Variants in NR3C1 observed in about 807,000 individuals in gnomAD.
NR3C1 encodes the protein glucocorticoid receptor.
NR3C1 carries 14 observed loss-of-function variants against 74.0 expected under a neutral mutation model. The ratio of observed to expected loss-of-function variants is 0.19; its 90% CI spans 0.12 to 0.30. NR3C1 has a LOEUF of 0.30. Among genes scored for constraint, NR3C1 ranks in the 10% least tolerant of loss-of-function variants. The pLI is 1.00. For synonymous variants in NR3C1, 308 were observed against 332.5 expected, an observed-to-expected ratio of 0.93 and a Z score of 0.80; for missense variants, 695 against 909.8, an observed-to-expected ratio of 0.76 and a Z score of 3.04.
At chr5:143,308,090 A>G (rs2151592168) in intron 4 of NR3C1, among the ~76,000 whole-genome samples, 1 of 152,290 alleles carries the variant, frequency 6.6e-6, no homozygotes, top group East Asian at 1.9e-4. Flanking sequence ...TCATACCCAT[A>G]AATCTATTTT....
In NR3C1 at chr5:143,400,029, C is replaced by T. The variant is rs755784862; in HGVS notation, c.811G>A (p.Val271Ile). 1.5e-5 allele frequency: 25 copies of T among 1,614,106 alleles called. No individual in the cohort carries two copies. The Admixed American group carries it at 3.8e-4, about 25-fold the overall frequency. Residue 271 changes from valine (V) to isoleucine (I), a missense_variant, in exon 2 of 9, where the codon GTA becomes ATA. By Grantham distance (29) the Val-to-Ile change is conservative. This residue lies in a region of NR3C1 where 497 missense variants were observed against 489.5 expected (regional missense o/e 1.02). Transcript: ENST00000394464. The part of the protein sequence containing the change: ...GDLVLSSPSN[V>I]TLPQVKTEKE... ...TCTGTTTTCACTTGGGGCAGTGTTACATTACTGGGGCTTGACAAAACCAGA... is the reference window on the plus strand; with the variant it reads ...TCTGTTTTCACTTGGGGCAGTGTTATATTACTGGGGCTTGACAAAACCAGA...
upstream of NR3C1, among the ~76,000 whole-genome samples, chr5:143,406,188 T>A: frequency 6.6e-6 from 1 of 151,648 alleles, no homozygotes; most frequent in East Asian, 1.9e-4. Flanking sequence ...AGAACACATC[T>A]CCCCATGCCA....
At chr5:143,388,471 C>T (rs1279615005) in intron 2 of NR3C1, among the ~76,000 whole-genome samples, 2 of 152,168 alleles carry the variant, frequency 1.3e-5, no homozygotes, top group Non-Finnish European at 2.9e-5. Flanking sequence ...ATGTGCTAGA[C>T]ACTATTCTAG....
rs566480046 is a variant in NR3C1 at position 143,329,823 on chromosome 5, T to A, written c.1185-15655A>T. Among the ~76,000 whole-genome samples, 363 of 152,296 alleles carry A rather than the reference T, an allele frequency of 2.4e-3. 3 individuals carry two copies. The highest frequency in any genetic ancestry group is 7.6e-3 in the African/African-American group (315 of 41,566). The stretch of plus-strand genomic sequence containing the variant: ...ATAAAAGGGCTGACTACATTTTTTT[T>A]AAATATGTGAATTGTTCTAAAATTC... On this transcript the variant is annotated intron_variant, in intron 2 of 8. Coordinates refer to ENST00000394464, the MANE Select transcript of NR3C1 (RefSeq NM_000176.3).
intron 7 of NR3C1, among the ~76,000 whole-genome samples, chr5:143,286,067 G>A (rs1223727975): frequency 6.6e-6 from 1 of 151,354 alleles, no homozygotes; most frequent in Non-Finnish European, 1.5e-5. Flanking sequence ...AGGATATTAT[G>A]GGAATATTAT....
At chr5:143,309,056 T>C (rs1820268734) in intron 4 of NR3C1, among the ~76,000 whole-genome samples, 1 of 150,090 alleles carries the variant, frequency 6.7e-6, no homozygotes, top group South Asian at 2.1e-4. Flanking sequence ...CTCTAACTTA[T>C]AACTAGTTTC....
At chr5:143,310,938 G>T (rs1051761731) in intron 3 of NR3C1, among the ~76,000 whole-genome samples, 1 of 152,194 alleles carries the variant, frequency 6.6e-6, no homozygotes, top group African/African-American at 2.4e-5. Context: ...TTACAGGCAT[G>T]AGCCACCACG....
At chr5:143,339,409 G>A (rs1031435115) in intron 2 of NR3C1, among the ~76,000 whole-genome samples, 1 of 152,012 alleles carries the variant, frequency 6.6e-6, no homozygotes, top group African/African-American at 2.4e-5. Context: ...TTACATTGCT[G>A]TCTTTTTGCT....
chr5:143,306,931 C>T (rs1186529763), intron 4 of NR3C1, among the ~76,000 whole-genome samples: 1 of 114,066 alleles, frequency 8.8e-6, no homozygotes, highest in African/African-American at 3.5e-5. Flanking sequence ...GAGTCTCGCT[C>T]TGTCGCCCAG....
chr5:143,367,204 C>A (rs1284645927), intron 2 of NR3C1, among the ~76,000 whole-genome samples: 3 of 152,202 alleles, frequency 2.0e-5, no homozygotes, highest in African/African-American at 7.2e-5. Flanking sequence ...AAATCTAATG[C>A]CCTTTCCTGA....
intron 2 of NR3C1, among the ~76,000 whole-genome samples, chr5:143,317,827 G>A (rs1404297188): frequency 1.3e-5 from 2 of 152,116 alleles, no homozygotes; most frequent in African/African-American, 2.4e-5. Context: ...CAAGCACTGT[G>A]AGGATCCAGT....
chr5:143,362,880 A>C (rs1832539001), intron 2 of NR3C1, among the ~76,000 whole-genome samples: 1 of 152,184 alleles, frequency 6.6e-6, no homozygotes, highest in East Asian at 1.9e-4. Context: ...AAAGATTGAG[A>C]GGAAAAGCTG....
At chr5:143,293,293 T>C (rs1449600264) in intron 7 of NR3C1, among the ~76,000 whole-genome samples, 1 of 152,176 alleles carries the variant, frequency 6.6e-6, no homozygotes, top group African/African-American at 2.4e-5. Flanking sequence ...AAACCAAATA[T>C]TGCATGTTCT....
At position 143,377,334 on chromosome 5, in the gene NR3C1, A is replaced by G. The variant is rs560700034; in HGVS notation, c.1184+22322T>C. 7.9e-5 allele frequency among the ~76,000 whole-genome samples: 12 copies of G among 152,324 alleles called. No homozygotes were observed. In the South Asian group the frequency reaches 2.5e-3, roughly 32 times the overall value. On this transcript the variant is annotated intron_variant, in intron 2 of 8. Coordinates refer to ENST00000394464, the MANE Select transcript of NR3C1 (RefSeq NM_000176.3). ...TGGCTTTTGCAACTTGCCTCAGGCTAGCCTTAGGGCATTACCTATGGAGCT... is the reference window on the plus strand; with the variant it reads ...TGGCTTTTGCAACTTGCCTCAGGCTGGCCTTAGGGCATTACCTATGGAGCT...
chr5:143,364,255 G>A (rs1454293420), intron 2 of NR3C1, among the ~76,000 whole-genome samples: 1 of 152,222 alleles, frequency 6.6e-6, no homozygotes, highest in African/African-American at 2.4e-5. Flanking sequence ...AATGCTGAAA[G>A]AATTACATGT....
upstream of NR3C1, chr5:143,403,703 A>G (rs10482606): frequency 5.0e-3 from 4,916 of 983,372 alleles, 11 homozygotes; most frequent in Non-Finnish European, 5.6e-3. Flanking sequence ...GCGCGCACAC[A>G]CTCGCACACA....
intron 1 of NR3C1, among the ~76,000 whole-genome samples, chr5:143,423,897 CAGAG>C (rs1222844122): frequency 3.4e-5 from 5 of 147,210 alleles, no homozygotes; most frequent in Non-Finnish European, 7.4e-5. Flanking sequence ...TGTGGGAACT[CAGAG>C]AGAGAAAGAA....
chr5:143,307,389 T>C (rs1819866155), intron 4 of NR3C1, among the ~76,000 whole-genome samples: 1 of 152,158 alleles, frequency 6.6e-6, no homozygotes, highest in African/African-American at 2.4e-5. Flanking sequence ...AATGGACAGA[T>C]TTCGTAGCCT....
intron 1 of NR3C1, among the ~76,000 whole-genome samples, chr5:143,402,368 G>A (rs970099679): frequency 6.6e-6 from 1 of 152,170 alleles, no homozygotes; most frequent in Non-Finnish European, 1.5e-5. Flanking sequence ...ATGCCAGAGG[G>A]TCTTAAGTGG....
Sources: gnomAD v4.1 joint callset for allele counts (sites outside exome capture counted in the v4.1 genomes callset) on GRCh38, gnomAD v4.1.1 for gene constraint, gnomAD v4.1.1 regional missense constraint, MANE v1.5 for transcripts, NCBI Gene and HGNC (gene_info 2026-07-23, HGNC 2026-07-21) for gene names.